Variants in AAK1 observed in about 807,000 individuals in gnomAD.
The protein encoded by AAK1 is AP2-associated protein kinase 1.
Under a neutral mutation model 116.0 loss-of-function variants are expected in AAK1, and 37 were observed. That is an observed-to-expected ratio of 0.32 (90% CI 0.25 to 0.42). The LOEUF (loss-of-function observed/expected upper bound fraction) is 0.42. AAK1 is among the 10% of genes least tolerant of loss of function. The pLI, the probability that AAK1 is intolerant of heterozygous loss-of-function variation, is 1.00. For missense variants in AAK1, 919 were observed against 1,170.6 expected (o/e 0.79, Z 3.14); for synonymous variants, 458 against 439.9 (o/e 1.04, Z -0.51).
Position 69,471,044 on chromosome 2 carries a change from A to C in AAK1, c.*4825T>G. 2 of 985,816 alleles carry C rather than the reference A, an allele frequency of 2.0e-6. No individual in the cohort carries two copies. Among genetic ancestry groups the C allele is most frequent in the South Asian group, 9.4e-5 (2 of 21,284 alleles). 61.1% of individuals were successfully genotyped at this position (985,816 alleles called of 1,614,324 possible). A position where few individuals can be genotyped will look rare whatever the true frequency, so the allele number is the denominator to read the frequency against. ...ATTTCACGTTTTTACTGCATAAGAT[A>C]TCTTCATGTACAACTGTATGCTTTG... is the stretch of plus-strand genomic sequence containing the variant. On this transcript the variant is annotated 3_prime_UTR_variant, in exon 22 of 22. Transcript: ENST00000409085.
rs1002522823 is a variant in AAK1 at position 69,458,432 on chromosome 2, C to G, written c.*17437G>C. 1 of 152,654 alleles carries G rather than the reference C, an allele frequency of 6.6e-6. No homozygotes were observed. Among genetic ancestry groups the G allele is most frequent in the African/African-American group, 2.4e-5 (1 of 41,460 alleles). The allele number at this position is 152,654 out of a possible 1,614,324, so 9.5% of individuals were successfully genotyped here. ...TTGTGGTGTTCTGGTCACTGCTACC[C>G]TCTCAATGCCACACATGAGCCCTCA... is the stretch of plus-strand genomic sequence containing the variant. On this transcript the variant is annotated 3_prime_UTR_variant, in exon 22 of 22. Coordinates refer to ENST00000409085, the MANE Select transcript of AAK1 (RefSeq NM_014911.5).
At chr2:69,526,374 T>C (rs748788928) in intron 9 of AAK1, among the ~76,000 whole-genome samples, 39 of 152,220 alleles carry the variant, frequency 2.6e-4, no homozygotes, top group Admixed American at 1.8e-3. Context: ...AAGTTCATTA[T>C]TGGAGGAACT....
intron 2 of AAK1, among the ~76,000 whole-genome samples, chr2:69,557,567 C>T (rs1489583060): frequency 1.3e-5 from 2 of 152,110 alleles, no homozygotes; most frequent in Admixed American, 6.5e-5. Flanking sequence ...GCTGGGATTA[C>T]AAGCATGAGC....
At chr2:69,592,778 T>C (rs1673090700) in intron 2 of AAK1, among the ~76,000 whole-genome samples, 1 of 152,228 alleles carries the variant, frequency 6.6e-6, no homozygotes, top group South Asian at 2.1e-4. Context: ...TTGGACTCAT[T>C]TAACATCTCT....
rs770019239 is a variant in AAK1, at chr2:69,542,610, A to G, written c.447T>C (p.Asn149=). 16 of 1,613,976 alleles carry G rather than the reference A, an allele frequency of 9.9e-6. No homozygotes were observed. The South Asian group carries it at 1.6e-4, about 17-fold the overall frequency. ...TATCACAAAATATCTGGAGCACTTC[A>G]TTCTCTGTAAAGCCTGTTTGCAGGC... ...NQRLQTGFTE[N]EVLQIFCDTC... Residue 149 remains asparagine (N), a synonymous_variant, in exon 5 of 22, where the codon AAT becomes AAC. Coordinates refer to ENST00000409085, the MANE Select transcript of AAK1 (RefSeq NM_014911.5).
chr2:69,482,909 G>A (rs1191044017), intron 17 of AAK1, 97 bp from the exon 18 acceptor site: 1 of 707,126 alleles, frequency 1.4e-6, no homozygotes, highest in African/African-American at 1.8e-5. Context: ...CATTTTAGGG[G>A]TCAATATTTG....
intron 11 of AAK1, 86 bp from the exon 12 acceptor site, chr2:69,519,326 G>T: frequency 6.9e-7 from 1 of 1,452,294 alleles, no homozygotes; most frequent in Admixed American, 2.7e-5. Context: ...ACTAATAGGG[G>T]GTGACAAGTG....
intron 2 of AAK1, among the ~76,000 whole-genome samples, chr2:69,607,297 G>A (rs935327564): frequency 2.0e-5 from 3 of 152,030 alleles, no homozygotes; most frequent in African/African-American, 7.2e-5. Context: ...GAGCACACCT[G>A]GCATACTCAA....
At chr2:69,506,620 C>G (rs527506335) in intron 15 of AAK1, among the ~76,000 whole-genome samples, 1 of 152,308 alleles carries the variant, frequency 6.6e-6, no homozygotes, top group South Asian at 2.1e-4. Flanking sequence ...TTGCCTCAGC[C>G]TCCCAAAGTA....
chr2:69,581,113 T>TTTTA (rs1213338832), intron 2 of AAK1, among the ~76,000 whole-genome samples: 2 of 152,164 alleles, frequency 1.3e-5, no homozygotes, highest in East Asian at 1.9e-4. Flanking sequence ...TGTTTTTTAA[T>TTTTA]TTTATTTATT....
At position 69,468,637 on chromosome 2, in the gene AAK1, G is replaced by A; in HGVS notation, c.*7232C>T. On this transcript the variant is annotated 3_prime_UTR_variant, in exon 22 of 22. Transcript: ENST00000409085. ...GAACACTAGTTTGAACAGAGTCAGT[G>A]TTTTTTGGAAATTTAAACTGAATTC... 3.0e-6 allele frequency: 3 copies of A among 985,436 alleles called. No individual in the cohort carries two copies. Among genetic ancestry groups the A allele is most frequent in the Non-Finnish European group, 3.6e-6 (3 of 829,928 alleles). The allele number at this position is 985,436 out of a possible 1,614,324, so 61.0% of individuals were successfully genotyped here. A position where few individuals can be genotyped will look rare whatever the true frequency, so the allele number is the denominator to read the frequency against.
In AAK1 at chr2:69,599,151, T is replaced by A. The variant is rs186467732; in HGVS notation, c.164-42173A>T. Among the ~76,000 whole-genome samples the A allele has an allele frequency of 1.8e-4, 28 of 152,262 alleles. 1 individual carries two copies. Among genetic ancestry groups the A allele is most frequent in the Admixed American group, 1.4e-3 (21 of 15,290 alleles). ...CAAGTCAGGCTCTTTAAAGATGATA[T>A]TCAAAAGAATTAAATATAAAAGAAG... On this transcript the variant is annotated intron_variant, in intron 2 of 21. Transcript: ENST00000409085.
chr2:69,560,266 G>A (rs1026973331), intron 2 of AAK1, among the ~76,000 whole-genome samples: 5 of 152,188 alleles, frequency 3.3e-5, no homozygotes, highest in African/African-American at 9.7e-5. Context: ...GATACTTCTC[G>A]TGCACAGCCC....
chr2:69,618,023 T>C (rs1674421103), intron 2 of AAK1, among the ~76,000 whole-genome samples: 1 of 152,002 alleles, frequency 6.6e-6, no homozygotes, highest in Non-Finnish European at 1.5e-5. Context: ...ATTAGTCTAG[T>C]GATAAAAAAG....
chr2:69,556,363 C>CTAGG (rs1419555261), intron 3 of AAK1, among the ~76,000 whole-genome samples: 1 of 152,058 alleles, frequency 6.6e-6, no homozygotes, highest in Admixed American at 6.5e-5. Context: ...AGGTTTTGGT[C>CTAGG]TAGGTTTCCA....
chr2:69,540,208 G>A (rs951220250), intron 5 of AAK1, among the ~76,000 whole-genome samples: 7 of 142,956 alleles, frequency 4.9e-5, no homozygotes, highest in African/African-American at 1.3e-4. Flanking sequence ...TGCAACCTCC[G>A]CCTCCTGGGT....
In AAK1 at chr2:69,471,059, T is replaced by G; in HGVS notation, c.*4810A>C. On this transcript the variant is annotated 3_prime_UTR_variant, in exon 22 of 22. Coordinates refer to ENST00000409085, the MANE Select transcript of AAK1 (RefSeq NM_014911.5). ...TGCATAAGATATCTTCATGTACAAC[T>G]GTATGCTTTGTCTTCTTGGGAAGGA... The G allele has an allele frequency of 2.0e-6, 2 of 985,834 alleles. No individual in the cohort carries two copies. Among genetic ancestry groups the G allele is most frequent in the Non-Finnish European group, 2.4e-6 (2 of 829,930 alleles). The allele number at this position is 985,834 out of a possible 1,614,324, so 61.1% of individuals were successfully genotyped here. A position where few individuals can be genotyped will look rare whatever the true frequency, so the allele number is the denominator to read the frequency against.
chr2:69,483,572 G>A (rs913818681), intron 17 of AAK1, among the ~76,000 whole-genome samples: 7 of 152,000 alleles, frequency 4.6e-5, no homozygotes, highest in Admixed American at 1.3e-4. Context: ...TTTCCTTCTC[G>A]GGCTTAGTTT....
At chr2:69,632,284 T>C (rs184097188) in intron 2 of AAK1, among the ~76,000 whole-genome samples, 1 of 152,346 alleles carries the variant, frequency 6.6e-6, no homozygotes, top group Admixed American at 6.5e-5. Flanking sequence ...AGACATGTTC[T>C]CTAAAACAGG....
Sources: gnomAD v4.1 joint callset for allele counts (sites outside exome capture counted in the v4.1 genomes callset) on GRCh38, gnomAD v4.1.1 for gene constraint, MANE v1.5 for transcripts, NCBI Gene and HGNC (gene_info 2026-07-23, HGNC 2026-07-21) for gene names.